Variants in C3orf20 observed in about 807,000 individuals in gnomAD.
C3orf20 encodes the protein family with sequence similarity 149 member C, also known as uncharacterized protein C3orf20.
In C3orf20, 76 loss-of-function variants were observed where a neutral mutation model predicts 88.3. That is an observed-to-expected ratio of 0.86 (90% CI 0.72 to 1.04). The LOEUF is 1.04. Ranked by LOEUF, C3orf20 falls within the 50% of genes least tolerant of loss-of-function variation. The pLI is 0.00. For synonymous variants in C3orf20, 436 were observed against 437.4 expected (o/e 1.00, Z 0.04); for missense variants, 1,056 against 1,123.3 (o/e 0.94, Z 0.86).
intron 8 of C3orf20, 61 bp downstream of exon 8, chr3:14,714,220 A>G (rs1169541249): frequency 2.5e-6 from 4 of 1,576,126 alleles, no homozygotes; most frequent in Non-Finnish European, 3.5e-6. Flanking sequence ...TGGAGGGAGG[A>G]CTGAGGTGGT....
chr3:14,690,174 A>C, intron 5 of C3orf20, 58 bp downstream of exon 5: 1 of 1,608,298 alleles, frequency 6.2e-7, no homozygotes, highest in Non-Finnish European at 8.5e-7. Context: ...GGTGGGGGAT[A>C]GGTTTCCGTC....
At chr3:14,697,717 G>A (rs1260029378) in intron 5 of C3orf20, among the ~76,000 whole-genome samples, 4 of 12,126 alleles carry the variant, frequency 3.3e-4, no homozygotes, top group Non-Finnish European at 6.1e-4. Context: ...CAACCCCCCT[G>A]CTGCCAACAG....
chr3:14,772,872 G>A lies in C3orf20; in HGVS notation c.2712G>A (p.Lys904=). ...GTTGGAAGAAGCAGGCCTCCAAGAA[G>A]TAGCGCCATCCTGGCAGCAGCCAAG... ...ITSWKKQASK[K] Residue 904 remains lysine (K), a synonymous_variant, in exon 17 of 17, where the codon AAG becomes AAA. Transcript: ENST00000253697. The surrounding 1 kb of genome is among the most constrained non-coding windows in gnomAD (Gnocchi z 4.2). 2 of 1,613,552 alleles carry A rather than the reference G, an allele frequency of 1.2e-6. No homozygotes were observed. Among genetic ancestry groups the A allele is most frequent in the South Asian group, 1.1e-5 (1 of 91,068 alleles).
Position 14,704,566 on chromosome 3 carries a change from A to C in C3orf20, c.1108A>C (p.Lys370Gln). The change falls in exon 7 of 17, where the codon AAG becomes CAG. Residue 370 changes from lysine to glutamine, a missense_variant. Physicochemically the swap from Lys to Gln is moderately conservative, Grantham distance 53. Transcript: ENST00000253697. ...SQHCQEGKAP[K>Q]KAFKFHYTFY... ...GCATTGTCAAGAGGGGAAGGCACCC[A>C]AGAAGGCCTTCAAGTTTCATTACAC... 6.2e-7 allele frequency: 1 copy of C among 1,614,116 alleles called. No homozygotes were observed. The highest frequency in any genetic ancestry group is 8.5e-7 in the Non-Finnish European group (1 of 1,180,022).
At chr3:14,715,110 TC>T (rs1433817675) in intron 8 of C3orf20, among the ~76,000 whole-genome samples, 178 bp from the exon 9 acceptor site, 1 of 152,190 alleles carries the variant, frequency 6.6e-6, no homozygotes, top group Non-Finnish European at 1.5e-5. Context: ...TCCGGTAGCA[TC>T]AGCAGGTGTT....
chr3:14,772,975 C>A lies in C3orf20; in HGVS notation c.*100C>A. The A allele has an allele frequency of 2.3e-6, 2 of 871,758 alleles. No homozygotes were observed. Among genetic ancestry groups the A allele is most frequent in the South Asian group, 1.4e-5 (1 of 71,396 alleles). The allele number at this position is 871,758 out of a possible 1,614,324, so 54.0% of individuals were successfully genotyped here. A position where few individuals can be genotyped will look rare whatever the true frequency, so the allele number is the denominator to read the frequency against. The stretch of plus-strand genomic sequence containing the variant: ...CTCCCCGGTCTCCCACCCTGTCCTC[C>A]AAGCTTCTATAATAAACCAGCGGGC... On this transcript the variant is annotated 3_prime_UTR_variant, in exon 17 of 17. Coordinates refer to ENST00000253697, the MANE Select transcript of C3orf20 (RefSeq NM_032137.5). The surrounding 1 kb of genome is among the most constrained non-coding windows in gnomAD (Gnocchi z 4.2).
chr3:14,680,741 T>G (rs753351264), intron 1 of C3orf20, among the ~76,000 whole-genome samples: 1 of 152,170 alleles, frequency 6.6e-6, no homozygotes, highest in Non-Finnish European at 1.5e-5. Context: ...GGGGGATAAG[T>G]TTCCCAAACC....
At chr3:14,690,861 G>C (rs561075560) in intron 5 of C3orf20, among the ~76,000 whole-genome samples, 1 of 152,218 alleles carries the variant, frequency 6.6e-6, no homozygotes, top group East Asian at 1.9e-4. Flanking sequence ...GGAATGCTCA[G>C]GCTGTCCAGA....
chr3:14,697,262 T>C (rs2033047815), intron 5 of C3orf20, among the ~76,000 whole-genome samples: 2 of 152,178 alleles, frequency 1.3e-5, no homozygotes, highest in Non-Finnish European at 2.9e-5. Flanking sequence ...TGAATAAACT[T>C]TCTACCCCTA....
intron 15 of C3orf20, among the ~76,000 whole-genome samples, chr3:14,769,566 G>A (rs1304884695): frequency 1.3e-5 from 2 of 152,196 alleles, no homozygotes. Flanking sequence ...AGGCAGGGGA[G>A]TGGGGAGGGC....
At chr3:14,755,768 G>A (rs2125028258) in intron 12 of C3orf20, among the ~76,000 whole-genome samples, 1 of 152,226 alleles carries the variant, frequency 6.6e-6, no homozygotes, top group East Asian at 1.9e-4. Flanking sequence ...GGCGGCTCAC[G>A]CCTGTAATCC....
At chr3:14,735,046 T>A (rs1432280286) in intron 12 of C3orf20, among the ~76,000 whole-genome samples, 2 of 150,402 alleles carry the variant, frequency 1.3e-5, no homozygotes, top group African/African-American at 4.9e-5. Context: ...TTTTGTTTTT[T>A]AATTTTTTAC....
At chr3:14,739,156 C>T (rs1020449137) in intron 12 of C3orf20, among the ~76,000 whole-genome samples, 2 of 152,024 alleles carry the variant, frequency 1.3e-5, no homozygotes, top group Non-Finnish European at 2.9e-5. Flanking sequence ...TTTACTTTGC[C>T]CAGATCCATC....
chr3:14,717,454 G>A (rs1483842786), intron 9 of C3orf20, among the ~76,000 whole-genome samples: 1 of 152,074 alleles, frequency 6.6e-6, no homozygotes, highest in African/African-American at 2.4e-5. Flanking sequence ...TGGGTAGTGG[G>A]AGCCGAGTCT....
intron 3 of C3orf20, 43 bp from the exon 4 acceptor site, chr3:14,684,199 C>G (rs1290789574): frequency 6.2e-7 from 1 of 1,608,108 alleles, no homozygotes; most frequent in African/African-American, 1.3e-5. Flanking sequence ...AGCATTAGCC[C>G]CATGCTAGGA....
At chr3:14,728,808 A>G in intron 12 of C3orf20, 120 bp downstream of exon 12, 3 of 904,248 alleles carry the variant, frequency 3.3e-6, no homozygotes, top group Non-Finnish European at 5.0e-6. Flanking sequence ...AAGGGCAAGT[A>G]AAGTGAGGAG....
rs1222277660 is a variant in C3orf20 at position 14,675,141 on chromosome 3, A to G, written c.-410A>G. 1 of 150,822 alleles carries G rather than the reference A, an allele frequency of 6.6e-6. No homozygotes were observed. The highest frequency in any genetic ancestry group is 1.5e-5 in the Non-Finnish European group (1 of 68,040). 9.3% of individuals were successfully genotyped at this position (150,822 alleles called of 1,614,324 possible). A position where few individuals can be genotyped will look rare whatever the true frequency, so the allele number is the denominator to read the frequency against. ...GGAACGGGGATGGGTACTGGTCTTT[A>G]CAGTTAACACAACCTGGAGTAGCCC... On this transcript the variant is annotated 5_prime_UTR_variant, in exon 1 of 17. Transcript: ENST00000253697.
chr3:14,694,661 ATTG>A (rs2032887443), intron 5 of C3orf20, among the ~76,000 whole-genome samples: 1 of 151,690 alleles, frequency 6.6e-6, no homozygotes. Context: ...GATCTCTTGT[ATTG>A]TTTTCCTTGT....
chr3:14,734,972 C>A (rs994004073), intron 12 of C3orf20, among the ~76,000 whole-genome samples: 2 of 151,718 alleles, frequency 1.3e-5, no homozygotes, highest in African/African-American at 4.8e-5. Context: ...TGTATTACAG[C>A]CTGTATTCTC....
Sources: allele counts gnomAD v4.1 joint callset (sites outside exome capture counted in the v4.1 genomes callset), GRCh38; gene constraint gnomAD v4.1.1; non-coding constraint Gnocchi (gnomAD v3.1); transcripts MANE v1.5; gene names NCBI Gene and HGNC (gene_info 2026-07-23, HGNC 2026-07-21).